FSTL5: variants seen among roughly 807,000 people sequenced by gnomAD.
FSTL5 encodes follistatin-related protein 5.
A neutral mutation model predicts 89.1 loss-of-function variants in FSTL5; 62 were observed. The observed-to-expected ratio is 0.70, with a 90% CI of 0.57 to 0.86. The LOEUF is 0.86. Among genes scored for constraint, FSTL5 ranks in the 40% least tolerant of loss-of-function variants. The probability of loss-of-function intolerance (pLI) is 0.00; values close to 1 mark genes in which losing one functional copy is unlikely to be tolerated. For missense variants in FSTL5, 1,057 were observed against 1,001.6 expected, an observed-to-expected ratio of 1.06 and a Z score of -0.75; for synonymous variants, 383 against 346.2, an observed-to-expected ratio of 1.11 and a Z score of -1.18.
At chr4:161,703,762 T>C (rs535798286) in intron 6 of FSTL5, among the ~76,000 whole-genome samples, 8 of 152,262 alleles carry the variant, frequency 5.3e-5, no homozygotes, top group Non-Finnish European at 1.2e-4. Context: ...AGTCATAAAA[T>C]TTATTAATTT....
Position 161,920,666 on chromosome 4 carries a change from A to AC in FSTL5, c.161-15_161-14insG. ...GAATCATAAATCCTGAAGAATTAAA[A>AC]AAAAATTGAAAATCGTTTGGTTCAT... is the stretch of plus-strand genomic sequence containing the variant. On this transcript the variant is annotated splice_polypyrimidine_tract_variant and intron_variant, in intron 3 of 15. Transcript: ENST00000306100. 1 of 1,596,288 alleles carries AC rather than the reference A, an allele frequency of 6.3e-7. No individual in the cohort carries two copies. Among genetic ancestry groups the AC allele is most frequent in the Non-Finnish European group, 8.5e-7 (1 of 1,174,220 alleles).
chr4:161,944,689 C>T (rs1295800321), intron 3 of FSTL5, among the ~76,000 whole-genome samples: 2 of 151,732 alleles, frequency 1.3e-5, no homozygotes, highest in Non-Finnish European at 2.9e-5. Context: ...ATGTATCATA[C>T]ATACATTTAA....
intron 7 of FSTL5, among the ~76,000 whole-genome samples, chr4:161,620,945 AT>A (rs1287648709): frequency 6.6e-6 from 1 of 152,010 alleles, no homozygotes; most frequent in Non-Finnish European, 1.5e-5. Context: ...ATAATCAATA[AT>A]TGGTATCACT....
At position 161,388,387 on chromosome 4, in the gene FSTL5, A is replaced by T. The variant is rs144799828; in HGVS notation, c.1842-1938T>A. ...TAAAATATTAATGCCTTGTGTGTAA[A>T]CATAGTGTAGTTTTAAAATCCTATC... On this transcript the variant is annotated intron_variant, in intron 15 of 15. Coordinates refer to ENST00000306100, the MANE Select transcript of FSTL5 (RefSeq NM_020116.5). 103 of 152,168 alleles carry T rather than the reference A, an allele frequency of 6.8e-4. 2 individuals carry two copies. In the East Asian group the frequency reaches 0.018, roughly 26 times the overall value. The allele number at this position is 152,168 out of a possible 1,614,324, so 9.4% of individuals were successfully genotyped here.
intron 1 of FSTL5, among the ~76,000 whole-genome samples, chr4:162,154,089 G>C (rs1339281893): frequency 6.6e-6 from 1 of 151,896 alleles, no homozygotes; most frequent in Admixed American, 6.6e-5. Context: ...TTACAGGCTT[G>C]AGCCACTGCA....
chr4:162,026,519 G>T (rs1392311391), intron 3 of FSTL5, among the ~76,000 whole-genome samples: 1 of 151,640 alleles, frequency 6.6e-6, no homozygotes, highest in East Asian at 1.9e-4. Flanking sequence ...TGTTGGCAAG[G>T]CTGTTTGGAA....
At chr4:161,405,240 A>G (rs1731331758) in intron 15 of FSTL5, among the ~76,000 whole-genome samples, 1 of 152,048 alleles carries the variant, frequency 6.6e-6, no homozygotes, top group African/African-American at 2.4e-5. Flanking sequence ...TCTCAAAAAA[A>G]AAAAAGAGAA....
intron 13 of FSTL5, among the ~76,000 whole-genome samples, chr4:161,470,871 T>A (rs1333639721): frequency 6.6e-6 from 1 of 151,510 alleles, no homozygotes; most frequent in Non-Finnish European, 1.5e-5. Flanking sequence ...GTTTCCATAA[T>A]TCTATTTGCA....
At position 161,920,431 on chromosome 4, in the gene FSTL5, C is replaced by A. The variant is rs1330023303; in HGVS notation, c.382G>T (p.Val128Phe). 1 of 1,613,946 alleles carries A rather than the reference C, an allele frequency of 6.2e-7. No homozygotes were observed. Among genetic ancestry groups the A allele is most frequent in the Non-Finnish European group, 8.5e-7 (1 of 1,179,916 alleles). Residue 128 changes from valine (V) to phenylalanine (F), a missense_variant, in exon 4 of 16, where the codon GTT becomes TTT. Physicochemically the swap from Val to Phe is conservative, Grantham distance 50. Transcript: ENST00000306100. Reference protein sequence around the residue: ...ACLKKQKITIVHNEDCFFKGD... With the variant: ...ACLKKQKITIFHNEDCFFKGD... ...TTAAAGAAGCAGTCTTCATTGTGAA[C>A]AATGGTAATCTTTTGTTTTTTCAGG... is the stretch of plus-strand genomic sequence containing the variant.
In FSTL5 at chr4:161,601,329, G is replaced by GAAAAAAAA. The variant is rs35261391; in HGVS notation, c.895-13762_895-13755dup. 1.9e-5 allele frequency among the ~76,000 whole-genome samples: 2 copies of GAAAAAAAA among 107,566 alleles called. 1 individual carries two copies. Among genetic ancestry groups the GAAAAAAAA allele is most frequent in the Non-Finnish European group, 3.7e-5 (2 of 54,450 alleles). The allele number at this position is 107,566 out of a possible 152,430, so 70.6% of individuals were successfully genotyped here. On this transcript the variant is annotated intron_variant, in intron 7 of 15. Transcript: ENST00000306100. ...AGTGACACAAAGTCTTAAATAGTTG[G>GAAAAAAAA]AAAAAAAAAAAAAAAAAAAAAGGCA...
intron 10 of FSTL5, among the ~76,000 whole-genome samples, chr4:161,531,068 GTCAC>G (rs1475318014): frequency 6.6e-6 from 1 of 152,074 alleles, no homozygotes; most frequent in Non-Finnish European, 1.5e-5. Flanking sequence ...CTCCCTGTAT[GTCAC>G]TCTATTAAAT....
At chr4:161,489,622 T>C (rs12500906) in intron 12 of FSTL5, among the ~76,000 whole-genome samples, 34,809 of 152,098 alleles carry the variant, frequency 0.23, 4,889 homozygotes, top group South Asian at 0.35. Context: ...TTTCTTTCTT[T>C]AACTTGTGGC....
At chr4:161,510,364 A>G in intron 11 of FSTL5, 34 bp downstream of exon 11, 1 of 1,391,508 alleles carries the variant, frequency 7.2e-7, no homozygotes, top group Non-Finnish European at 9.8e-7. Context: ...ATCAAGCAAA[A>G]TTGTCACAAC....
At chr4:161,607,254 T>C (rs1205571596) in intron 7 of FSTL5, among the ~76,000 whole-genome samples, 1 of 152,190 alleles carries the variant, frequency 6.6e-6, no homozygotes, top group Non-Finnish European at 1.5e-5. Flanking sequence ...TGGTGATTAG[T>C]CCATAAATAT....
At chr4:161,550,673 G>A (rs577841689) in intron 8 of FSTL5, among the ~76,000 whole-genome samples, 123 of 151,724 alleles carry the variant, frequency 8.1e-4, no homozygotes, top group African/African-American at 9.4e-4. Context: ...ATGCTGGTGC[G>A]CTGCACCCAC....
At chr4:162,137,449 G>C (rs1225310024) in intron 1 of FSTL5, among the ~76,000 whole-genome samples, 1 of 149,626 alleles carries the variant, frequency 6.7e-6, no homozygotes, top group African/African-American at 2.4e-5. Flanking sequence ...GTGGCTAGTG[G>C]CCACATACCA....
intron 7 of FSTL5, among the ~76,000 whole-genome samples, chr4:161,650,369 A>T (rs1736294238): frequency 6.6e-6 from 1 of 152,318 alleles, no homozygotes; most frequent in Admixed American, 6.5e-5. Context: ...AATTCAATTA[A>T]TGTTGAATTT....
chr4:161,665,253 T>G (rs1304945521), intron 6 of FSTL5, among the ~76,000 whole-genome samples: 1 of 152,146 alleles, frequency 6.6e-6, no homozygotes, highest in Non-Finnish European at 1.5e-5. Context: ...TTTTGTTGTT[T>G]TATTTTGAGA....
intron 15 of FSTL5, among the ~76,000 whole-genome samples, chr4:161,443,865 C>G (rs1407402188): frequency 2.6e-5 from 4 of 151,756 alleles, no homozygotes; most frequent in Admixed American, 1.3e-4. Context: ...CTTGGCTGGA[C>G]CATAAGATGT....
Sources: gnomAD v4.1 joint callset for allele counts (sites outside exome capture counted in the v4.1 genomes callset) on GRCh38, gnomAD v4.1.1 for gene constraint, MANE v1.5 for transcripts, NCBI Gene and HGNC (gene_info 2026-07-23, HGNC 2026-07-21) for gene names.